Variants in CYTL1 observed in about 807,000 individuals in gnomAD.
CYTL1 encodes cytokine-like protein 1.
In CYTL1, 17 loss-of-function variants were observed where a neutral mutation model predicts 13.1. The observed-to-expected ratio is 1.29, with a 90% confidence interval of 0.89 to 1.94. The LOEUF (loss-of-function observed/expected upper bound fraction) is 1.94. Among genes scored for constraint, CYTL1 ranks in the 30% most tolerant of loss-of-function variants. The pLI is 0.00. For missense variants in CYTL1, 213 were observed against 174.8 expected, an observed-to-expected ratio of 1.22 and a Z score of -1.23; for synonymous variants, 91 against 79.4, an observed-to-expected ratio of 1.15 and a Z score of -0.78.
At position 5,015,189 on chromosome 4, in the gene CYTL1, T is replaced by C. The variant is rs761041037; in HGVS notation, c.373A>G (p.Ile125Val). The C allele has an allele frequency of 4.3e-6, 7 of 1,613,864 alleles. No individual in the cohort carries two copies. The South Asian group carries it at 5.5e-5, about 13-fold the overall frequency. ...TCTGGCAGGACCGTAGTCACTGGGA[T>C]TGGGTATTCCAAGGCATTGCAGTCA... ...LDDCNALEYP[I>V]PVTTVLPDRQ... Residue 125 changes from isoleucine (I) to valine (V), a missense_variant, in exon 4 of 4, where the codon ATC (isoleucine) becomes GTC (valine). Ile to Val is a conservative substitution (Grantham distance 29). Transcript: ENST00000307746.
intron 1 of CYTL1, among the ~76,000 whole-genome samples, chr4:5,017,407 T>G (rs950203971): frequency 3.3e-5 from 5 of 152,212 alleles, no homozygotes; most frequent in African/African-American, 1.2e-4. Flanking sequence ...TCATTTGCTA[T>G]GAACCAGGGA....
intron 1 of CYTL1, among the ~76,000 whole-genome samples, chr4:5,017,613 CTT>C (rs572429842): frequency 1.0e-4 from 15 of 149,718 alleles, no homozygotes; most frequent in Middle Eastern, 3.5e-3. Context: ...TATATAGTAA[CTT>C]ATATAATAAT....
rs1332662687 is a variant in CYTL1 at position 5,014,807 on chromosome 4, C to A, written c.*344G>T. The A allele has an allele frequency of 8.2e-6, 2 of 243,302 alleles. No individual in the cohort carries two copies. The highest frequency in any genetic ancestry group is 7.9e-6 in the Non-Finnish European group (1 of 126,510). The allele number at this position is 243,302 out of a possible 1,614,324, so 15.1% of individuals were successfully genotyped here. A position where few individuals can be genotyped will look rare whatever the true frequency, so the allele number is the denominator to read the frequency against. ...TAAAAGTACCATTACTCCATTAAAC[C>A]AGTAATAAAAACATACTATTGTGCA... On this transcript the variant is annotated 3_prime_UTR_variant, in exon 4 of 4. Coordinates refer to ENST00000307746, the MANE Select transcript of CYTL1 (RefSeq NM_018659.3).
chr4:5,016,349 G>C (rs980432176), intron 3 of CYTL1, among the ~76,000 whole-genome samples: 5 of 152,208 alleles, frequency 3.3e-5, no homozygotes, highest in African/African-American at 1.2e-4. Context: ...AACAGACTAA[G>C]ACAGGCACTC....
At chr4:5,018,237 A>G (rs1741121644) in intron 1 of CYTL1, among the ~76,000 whole-genome samples, 1 of 152,254 alleles carries the variant, frequency 6.6e-6, no homozygotes, top group East Asian at 1.9e-4. Context: ...ACGTATTTGA[A>G]TACCTATATG....
Position 5,016,912 on chromosome 4 carries a change from C to A in CYTL1, c.251G>T (p.Trp84Leu), listed in dbSNP as rs1408918036. The part of the protein sequence containing the change: ...LRDFVASPPC[W>L]KVAQVDSLKD... ...CAAGGAATCTACCTGGGCCACTTTC[C>A]AACACGGGGGCGAGGCCACAAAGTC... Residue 84 changes from tryptophan (W) to leucine (L), a missense_variant, in exon 3 of 4, where the codon TGG becomes TTG. By Grantham distance (61) the Trp-to-Leu change is moderately conservative. Transcript: ENST00000307746. 1 of 1,614,084 alleles carries A rather than the reference C, an allele frequency of 6.2e-7. No homozygotes were observed. The highest frequency in any genetic ancestry group is 2.2e-5 in the East Asian group (1 of 44,898).
At position 5,019,352 on chromosome 4, in the gene CYTL1, G is replaced by A. The variant is rs773279143; in HGVS notation, c.94C>T (p.Arg32Trp). 5.3e-6 allele frequency: 8 copies of A among 1,513,684 alleles called. No individual in the cohort carries two copies. Among genetic ancestry groups the A allele is most frequent in the Non-Finnish European group, 7.0e-6 (8 of 1,138,644 alleles). The allele number at this position is 1,513,684 out of a possible 1,614,324, so 93.8% of individuals were successfully genotyped here. The change falls in exon 1 of 4, where the codon CGG becomes TGG. Residue 32 changes from arginine (R) to tryptophan (W), a missense_variant. Coordinates refer to ENST00000307746, the MANE Select transcript of CYTL1 (RefSeq NM_018659.3). ...PTPPTCYSRM[R>W]ALSQEITRDF... ...CGGGTGATCTCCTGGCTCAGGGCCC[G>A]CATGCGGGAGTAGCAGGTCGGGGGA...
In CYTL1 at chr4:5,014,988, C is replaced by T. The variant is rs953045504; in HGVS notation, c.*163G>A. The T allele has an allele frequency of 5.9e-6, 4 of 673,230 alleles. No homozygotes were observed. In the African/African-American group the frequency reaches 7.3e-5, roughly 12 times the overall value. The allele number at this position is 673,230 out of a possible 1,614,324, so 41.7% of individuals were successfully genotyped here. A position where few individuals can be genotyped will look rare whatever the true frequency, so the allele number is the denominator to read the frequency against. On this transcript the variant is annotated 3_prime_UTR_variant, in exon 4 of 4. Transcript: ENST00000307746. ...CTAACTCTATGCTCAAAGGAGGTTC[C>T]TGGGTAGGAATACCAGCCCTGTTTT...
chr4:5,014,965 AAC>A lies in CYTL1; in HGVS notation c.*184_*185del. The A allele has an allele frequency of 1.6e-6, 1 of 612,918 alleles. No individual in the cohort carries two copies. The highest frequency in any genetic ancestry group is 2.9e-5 in the Admixed American group (1 of 34,422). 38.0% of individuals were successfully genotyped at this position (612,918 alleles called of 1,614,324 possible). A position where few individuals can be genotyped will look rare whatever the true frequency, so the allele number is the denominator to read the frequency against. ...CAAGGGAATGAGAAGCATGGTTGCT[AAC>A]TCTATGCTCAAAGGAGGTTCCTGGG... On this transcript the variant is annotated 3_prime_UTR_variant, in exon 4 of 4. Coordinates refer to ENST00000307746, the MANE Select transcript of CYTL1 (RefSeq NM_018659.3).
At chr4:5,015,285 T>G in intron 3 of CYTL1, 51 bp from the exon 4 acceptor site, 1 of 1,434,388 alleles carries the variant, frequency 7.0e-7, no homozygotes, top group Non-Finnish European at 9.8e-7. Flanking sequence ...GGTCACGGAG[T>G]CCATATGCAA....
chr4:5,016,589 G>C (rs568396675), intron 3 of CYTL1, among the ~76,000 whole-genome samples: 53 of 152,244 alleles, frequency 3.5e-4, no homozygotes, highest in African/African-American at 7.7e-4. Flanking sequence ...TATGTGGCTG[G>C]GGTGTGGTCC....
Position 5,017,158 on chromosome 4 carries a change from G to T in CYTL1, c.175C>A (p.Pro59Thr). The change falls in exon 2 of 4, where the codon CCC becomes ACC. Residue 59 changes from proline (P) to threonine (T), a missense_variant. Physicochemically the swap from Pro to Thr is conservative, Grantham distance 38 (BLOSUM62 -1). Coordinates refer to ENST00000307746, the MANE Select transcript of CYTL1 (RefSeq NM_018659.3). ...EPSEPCVRYL[P>T]RLYLDIHNYC... ...ACGTGTATGTCCAGGTACAGCCTGGGCAGGTATCTCACACATGGCTCCTGT... is the reference window on the plus strand; with the variant it reads ...ACGTGTATGTCCAGGTACAGCCTGGTCAGGTATCTCACACATGGCTCCTGT... 6.2e-7 allele frequency: 1 copy of T among 1,614,000 alleles called. No homozygotes were observed. The highest frequency in any genetic ancestry group is 8.5e-7 in the Non-Finnish European group (1 of 1,179,936).
chr4:5,016,624 C>T (rs762923974), intron 3 of CYTL1, among the ~76,000 whole-genome samples: 7 of 152,130 alleles, frequency 4.6e-5, no homozygotes, highest in Admixed American at 2.0e-4. Context: ...TGCATCAATG[C>T]GCAGCTCATG....
At chr4:5,018,254 GA>G (rs1390339622) in intron 1 of CYTL1, among the ~76,000 whole-genome samples, 1 of 152,126 alleles carries the variant, frequency 6.6e-6, no homozygotes, top group Non-Finnish European at 1.5e-5. Flanking sequence ...TATGTAGACA[GA>G]AAGCTGAAAT....
Position 5,016,950 on chromosome 4 carries a change from CA to C in CYTL1, c.212del (p.Leu71ArgfsTer19). 1 of 1,614,178 alleles carries C rather than the reference CA, an allele frequency of 6.2e-7. No homozygotes were observed. The highest frequency in any genetic ancestry group is 8.5e-7 in the Non-Finnish European group (1 of 1,180,036). ...AGGCCACAAAGTCCCGCAGCTTGTCCAGCACACAGTAATTCTGGGAGTGGGC... is the reference window on the plus strand; with the variant it reads ...AGGCCACAAAGTCCCGCAGCTTGTCCGCACACAGTAATTCTGGGAGTGGGC... ...LYLDIHNYCV[L>X]DKLRDFVASP... On this transcript the variant is annotated frameshift_variant, in exon 3 of 4. Coordinates refer to ENST00000307746, the MANE Select transcript of CYTL1 (RefSeq NM_018659.3). LOFTEE classifies it high-confidence loss of function.
intron 1 of CYTL1, among the ~76,000 whole-genome samples, chr4:5,018,206 A>T (rs1215007087): frequency 6.6e-6 from 1 of 152,154 alleles, no homozygotes; most frequent in African/African-American, 2.4e-5. Context: ...TTGTTTACAC[A>T]CACACACACA....
At chr4:5,017,353 C>A (rs529074187) in intron 1 of CYTL1, among the ~76,000 whole-genome samples, 174 bp from the exon 2 acceptor site, 1 of 152,292 alleles carries the variant, frequency 6.6e-6, no homozygotes, top group Admixed American at 6.5e-5. Flanking sequence ...CAGAAATGGG[C>A]GACTGCGCTT....
chr4:5,019,030 AT>A (rs1741139438), intron 1 of CYTL1, among the ~76,000 whole-genome samples: 1 of 60,160 alleles, frequency 1.7e-5, no homozygotes, highest in Non-Finnish European at 3.5e-5. Flanking sequence ...TTTTTTTTAC[AT>A]TTTACAACAG....
intron 3 of CYTL1, among the ~76,000 whole-genome samples, chr4:5,016,013 C>T (rs1741065015): frequency 6.6e-6 from 1 of 152,136 alleles, no homozygotes; most frequent in Non-Finnish European, 1.5e-5. Context: ...AAACTTAATC[C>T]CTCTGCCTTT....
Sources: gnomAD v4.1 joint callset for allele counts (sites outside exome capture counted in the v4.1 genomes callset) on GRCh38, gnomAD v4.1.1 for gene constraint, MANE v1.5 for transcripts, NCBI Gene and HGNC (gene_info 2026-07-23, HGNC 2026-07-21) for gene names.